FHIT: variants seen among roughly 807,000 people sequenced by gnomAD.
The protein encoded by FHIT is bis(5'-adenosyl)-triphosphatase.
Under a neutral mutation model 17.9 loss-of-function variants are expected in FHIT, and 19 were observed. That is an observed-to-expected ratio of 1.06 (90% CI 0.74 to 1.56). The LOEUF (loss-of-function observed/expected upper bound fraction) is 1.56. Among genes scored for constraint, FHIT ranks in the 40% most tolerant of loss-of-function variants. The probability of loss-of-function intolerance (pLI) is 0.00; values close to 1 mark genes in which losing one functional copy is unlikely to be tolerated. For missense variants in FHIT, 248 were observed against 189.2 expected, an observed-to-expected ratio of 1.31 and a Z score of -1.82; for synonymous variants, 81 against 69.7, an observed-to-expected ratio of 1.16 and a Z score of -0.81.
At chr3:60,148,360 G>A (rs1700325656) in intron 5 of FHIT, among the ~76,000 whole-genome samples, 1 of 152,086 alleles carries the variant, frequency 6.6e-6, no homozygotes, top group African/African-American at 2.4e-5. Flanking sequence ...TTGAAAATAG[G>A]GAAAATAACC....
chr3:60,043,448 G>A (rs1701524978), intron 5 of FHIT, among the ~76,000 whole-genome samples: 1 of 152,150 alleles, frequency 6.6e-6, no homozygotes, highest in South Asian at 2.1e-4. Flanking sequence ...CACAAGGTGA[G>A]ACTGATATTA....
At chr3:59,848,272 G>A (rs752616572) in intron 8 of FHIT, among the ~76,000 whole-genome samples, 6 of 152,134 alleles carry the variant, frequency 3.9e-5, no homozygotes, top group Non-Finnish European at 8.8e-5. Flanking sequence ...GGAATATTCA[G>A]GCCTTCAGTG....
At chr3:60,072,456 A>ACAAAACATCGTCAACAACAG (rs1165715008) in intron 5 of FHIT, among the ~76,000 whole-genome samples, 2 of 152,160 alleles carry the variant, frequency 1.3e-5, no homozygotes, top group Non-Finnish European at 2.9e-5. Context: ...GTCAACAACA[A>ACAAAACATCGTCAACAACAG]CAAAACATCA....
At chr3:60,159,183 CG>C (rs2107358038) in intron 5 of FHIT, among the ~76,000 whole-genome samples, 1 of 152,170 alleles carries the variant, frequency 6.6e-6, no homozygotes, top group African/African-American at 2.4e-5. Flanking sequence ...TGCAGTAACC[CG>C]ATCATGGCTC....
chr3:60,158,835 T>A (rs1451287137), intron 5 of FHIT, among the ~76,000 whole-genome samples: 1 of 152,084 alleles, frequency 6.6e-6, no homozygotes, highest in Non-Finnish European at 1.5e-5. Flanking sequence ...CCTCCCTTCC[T>A]TAGACTCTCC....
chr3:59,794,595 G>A (rs1024900807), intron 8 of FHIT, among the ~76,000 whole-genome samples: 1 of 152,136 alleles, frequency 6.6e-6, no homozygotes, highest in South Asian at 2.1e-4. Context: ...AGTGGTCCTC[G>A]GAGACAGCTG....
intron 4 of FHIT, among the ~76,000 whole-genome samples, chr3:60,804,136 C>G (rs560685145): frequency 6.6e-6 from 1 of 152,190 alleles, no homozygotes; most frequent in African/African-American, 2.4e-5. Flanking sequence ...CTAACCATGG[C>G]AGCAGAGAGC....
chr3:60,749,000 G>A (rs782515978), intron 4 of FHIT, among the ~76,000 whole-genome samples: 5 of 152,084 alleles, frequency 3.3e-5, no homozygotes, highest in Admixed American at 6.5e-5. Context: ...CCTCAGATAT[G>A]GAGGGGCAAA....
intron 5 of FHIT, among the ~76,000 whole-genome samples, chr3:60,195,361 G>A (rs1163849628): frequency 1.3e-5 from 2 of 151,554 alleles, no homozygotes; most frequent in Non-Finnish European, 2.9e-5. Context: ...ATTTCTCAAA[G>A]ATCTAAAAGT....
At chr3:60,163,035 C>T (rs1701007855) in intron 5 of FHIT, among the ~76,000 whole-genome samples, 1 of 152,164 alleles carries the variant, frequency 6.6e-6, no homozygotes, top group Non-Finnish European at 1.5e-5. Context: ...TCACACAGAG[C>T]TCTTGGTTTT....
chr3:60,590,020 G>T (rs56654258), intron 4 of FHIT, among the ~76,000 whole-genome samples: 6,159 of 152,010 alleles, frequency 0.041, 392 homozygotes, highest in African/African-American at 0.13. Context: ...CTCCAAGAGA[G>T]GACACATCTA....
chr3:60,247,492 C>A (rs779111402), intron 5 of FHIT, among the ~76,000 whole-genome samples: 1 of 152,112 alleles, frequency 6.6e-6, no homozygotes, highest in East Asian at 1.9e-4. Flanking sequence ...TACATAGATA[C>A]ATATTTTTTA....
At chr3:59,920,207 A>C (rs6776435) in intron 8 of FHIT, among the ~76,000 whole-genome samples, 2 of 152,190 alleles carry the variant, frequency 1.3e-5, no homozygotes, top group African/African-American at 2.4e-5. Context: ...CTTTCAGGCT[A>C]CAATATCATA....
intron 4 of FHIT, among the ~76,000 whole-genome samples, chr3:60,724,323 T>A (rs1553708805): frequency 2.0e-5 from 3 of 152,270 alleles, no homozygotes; most frequent in African/African-American, 7.2e-5. Context: ...CATTTATTTT[T>A]ATTGCTGAAT....
At chr3:59,991,355 C>T (rs1467782141) in intron 7 of FHIT, among the ~76,000 whole-genome samples, 1 of 151,986 alleles carries the variant, frequency 6.6e-6, no homozygotes, top group Non-Finnish European at 1.5e-5. Context: ...GGTATTTTGT[C>T]AAGTATTTGC....
rs547593860 is a variant in FHIT at position 60,797,076 on chromosome 3, A to G, written c.-18+24843T>C. On this transcript the variant is annotated intron_variant, in intron 4 of 9. Coordinates refer to ENST00000492590, the MANE Select transcript of FHIT (RefSeq NM_002012.4). ...GCTTTCCTATCACAAACATATTTCA[A>G]AGTTGTTTGCAAAATATTTTGCATT... Among the ~76,000 whole-genome samples, 219 of 152,314 alleles carry G rather than the reference A, an allele frequency of 1.4e-3. 6 individuals are homozygous for G. Among genetic ancestry groups the G allele is most frequent in the Admixed American group, 1.2e-3 (18 of 15,292 alleles).
At chr3:60,446,289 C>G (rs1055020321) in intron 5 of FHIT, among the ~76,000 whole-genome samples, 2 of 152,120 alleles carry the variant, frequency 1.3e-5, no homozygotes, top group Non-Finnish European at 2.9e-5. Flanking sequence ...AGTAGAATTA[C>G]AGAAGCTGTG....
intron 3 of FHIT, among the ~76,000 whole-genome samples, chr3:61,019,304 G>C (rs182473600): frequency 7.9e-5 from 12 of 152,290 alleles, no homozygotes; most frequent in East Asian, 1.9e-4. Context: ...GGTTTAAAAC[G>C]TATTTGGAAA....
chr3:60,652,320 G>A (rs2040009044), intron 4 of FHIT, among the ~76,000 whole-genome samples: 1 of 152,146 alleles, frequency 6.6e-6, no homozygotes, highest in Admixed American at 6.5e-5. Flanking sequence ...CTCACTCTAG[G>A]CCAGGCGTGG....
Sources: allele counts gnomAD v4.1 joint callset (sites outside exome capture counted in the v4.1 genomes callset), GRCh38; gene constraint gnomAD v4.1.1; transcripts MANE v1.5; gene names NCBI Gene and HGNC (gene_info 2026-07-23, HGNC 2026-07-21).